BLK: variants seen among roughly 807,000 people sequenced by gnomAD.
BLK encodes the protein tyrosine-protein kinase Blk.
Under a neutral mutation model 61.8 loss-of-function variants are expected in BLK, and 64 were observed. That is an observed-to-expected ratio of 1.03 (90% CI 0.85 to 1.27). BLK has a LOEUF of 1.27. Among genes scored for constraint, BLK ranks in the 50% most tolerant of loss-of-function variants. The pLI, the probability that BLK is intolerant of heterozygous loss-of-function variation, is 0.00. For synonymous variants in BLK, 351 were observed against 272.0 expected (o/e 1.29, Z -2.86); for missense variants, 853 against 660.5 (o/e 1.29, Z -3.19).
chr8:11,535,462 C>G (rs1180311187), intron 1 of BLK, among the ~76,000 whole-genome samples: 1 of 152,228 alleles, frequency 6.6e-6, no homozygotes. Flanking sequence ...TTTCTATCTT[C>G]ATGTGTTTGG....
chr8:11,511,477 G>T (rs1799007068), intron 1 of BLK, among the ~76,000 whole-genome samples: 1 of 151,998 alleles, frequency 6.6e-6, no homozygotes, highest in South Asian at 2.1e-4. Context: ...AACAAACTCT[G>T]GCACCAGTCA....
chr8:11,552,921 C>G (rs559969196), intron 6 of BLK: 5 of 153,232 alleles, frequency 3.3e-5, no homozygotes, highest in African/African-American at 1.2e-4. Context: ...CACACATGCA[C>G]ATATGCACAA....
intron 1 of BLK, among the ~76,000 whole-genome samples, chr8:11,534,639 G>A (rs765210612): frequency 6.6e-6 from 1 of 152,288 alleles, no homozygotes; most frequent in Non-Finnish European, 1.5e-5. Context: ...CCACAATGGG[G>A]GGAGGTGAAT....
intron 1 of BLK, among the ~76,000 whole-genome samples, chr8:11,495,375 T>C (rs1353475404): frequency 6.6e-6 from 1 of 152,156 alleles, no homozygotes; most frequent in African/African-American, 2.4e-5. Context: ...TGGGACTTAA[T>C]TCCCCTCACC....
intron 10 of BLK, chr8:11,558,703 G>C: frequency 2.2e-6 from 1 of 456,242 alleles, no homozygotes; most frequent in South Asian, 1.5e-5. Flanking sequence ...GGAGAGGAGG[G>C]TTTTAGCCGA....
intron 6 of BLK, chr8:11,553,141 C>G (rs7825142): frequency 1.7e-4 from 32 of 193,558 alleles, no homozygotes; most frequent in African/African-American, 7.2e-4. Flanking sequence ...AGCAAGACCC[C>G]TCTGCTTCTC....
intron 6 of BLK, among the ~76,000 whole-genome samples, chr8:11,551,506 T>C (rs1005676160): frequency 2.0e-5 from 3 of 152,234 alleles, no homozygotes; most frequent in Non-Finnish European, 2.9e-5. Context: ...TATAGCCACA[T>C]TCTCAGGACC....
In BLK at chr8:11,561,318, C is replaced by T. The variant is rs759976637; in HGVS notation, c.1046C>T (p.Ala349Val). 1.9e-6 allele frequency: 3 copies of T among 1,613,692 alleles called. No homozygotes were observed. Among genetic ancestry groups the T allele is most frequent in the African/African-American group, 1.3e-5 (1 of 74,942 alleles). ...TTCCCTCAGATTGCTGAAGGGATGG[C>T]ATACATTGAGCGCATGAATTCCATC... ...DMSAQIAEGMAYIERMNSIHR... is the reference protein window; with the variant it reads ...DMSAQIAEGMVYIERMNSIHR... The change falls in exon 11 of 13, where the codon GCA becomes GTA. Residue 349 changes from alanine (A) to valine (V), a missense_variant. Coordinates refer to ENST00000259089, the MANE Select transcript of BLK (RefSeq NM_001715.3).
Position 11,557,996 on chromosome 8 carries a change from G to C in BLK, c.987G>C (p.Gly329=), listed in dbSNP as rs935637146. Residue 329 remains glycine (G), a synonymous_variant, in exon 10 of 13, where the codon GGG becomes GGC. Transcript: ENST00000259089. ...TGGATTTCCTGAAGACAGATGAAGG[G>C]AGCAGATTGTCACTCCCAAGGCTGA... ...CLLDFLKTDE[G]SRLSLPRLID... 1.9e-6 allele frequency: 3 copies of C among 1,614,118 alleles called. No homozygotes were observed. The highest frequency in any genetic ancestry group is 2.5e-6 in the Non-Finnish European group (3 of 1,179,972).
intron 1 of BLK, among the ~76,000 whole-genome samples, chr8:11,542,798 A>G (rs1398463010): frequency 6.6e-6 from 1 of 152,188 alleles, no homozygotes; most frequent in Non-Finnish European, 1.5e-5. Context: ...TTTACCAAAG[A>G]GCTAATGGGT....
chr8:11,547,731 C>T (rs1800710560), intron 3 of BLK, among the ~76,000 whole-genome samples: 1 of 151,944 alleles, frequency 6.6e-6, no homozygotes, highest in Non-Finnish European at 1.5e-5. Context: ...CTGAGGCCAC[C>T]AGCAGCCCGG....
At chr8:11,553,140 C>A (rs1226922133) in intron 6 of BLK, 2 of 193,450 alleles carry the variant, frequency 1.0e-5, no homozygotes, top group Non-Finnish European at 2.2e-5. Context: ...AAGCAAGACC[C>A]CTCTGCTTCT....
chr8:11,532,497 C>T (rs879542338), intron 1 of BLK, among the ~76,000 whole-genome samples: 4 of 152,154 alleles, frequency 2.6e-5, no homozygotes, highest in South Asian at 2.1e-4. Context: ...AGGCATGAGC[C>T]GCCACTTCTG....
At chr8:11,527,222 G>A (rs1799693802) in intron 1 of BLK, among the ~76,000 whole-genome samples, 1 of 152,098 alleles carries the variant, frequency 6.6e-6, no homozygotes, top group Admixed American at 6.5e-5. Flanking sequence ...TCAATGGCTT[G>A]CAATGCTCTT....
rs754458822 is a variant in BLK, at chr8:11,548,103, G to A, written c.247G>A (p.Glu83Lys). Residue 83 changes from glutamate to lysine, a missense_variant, in exon 4 of 13, where the codon GAG (glutamate) becomes AAG (lysine). By Grantham distance (56) the Glu-to-Lys change is moderately conservative. Transcript: ENST00000259089. The part of the protein sequence containing the change: ...NDRDLQMLKG[E>K]KLQVLKGTGD... Reference sequence around the variant, plus strand: ...TCGGGACCTGCAGATGCTGAAGGGGGAGAAGCTACAGGTCCTGAAGGGGTG... The same window carrying A: ...TCGGGACCTGCAGATGCTGAAGGGGAAGAAGCTACAGGTCCTGAAGGGGTG... The A allele has an allele frequency of 2.5e-6, 4 of 1,613,572 alleles. No individual in the cohort carries two copies. Among genetic ancestry groups the A allele is most frequent in the Non-Finnish European group, 3.4e-6 (4 of 1,180,000 alleles).
Position 11,548,116 on chromosome 8 carries a change from T to TCCTGAAGGG in BLK, c.261_269dup (p.Leu88_Gly90dup), listed in dbSNP as rs761941756. On this transcript the variant is annotated inframe_insertion, in exon 4 of 13. Coordinates refer to ENST00000259089, the MANE Select transcript of BLK (RefSeq NM_001715.3). ...ATGCTGAAGGGGGAGAAGCTACAGGTCCTGAAGGGGTGAGGTTCCAGGACA... is the reference window on the plus strand; with the variant it reads ...ATGCTGAAGGGGGAGAAGCTACAGGTCCTGAAGGGCCTGAAGGGGTGAGGTTCCAGGACA... The TCCTGAAGGG allele has an allele frequency of 6.2e-7, 1 of 1,613,008 alleles. No individual in the cohort carries two copies. Among genetic ancestry groups the TCCTGAAGGG allele is most frequent in the East Asian group, 2.2e-5 (1 of 44,856 alleles).
intron 1 of BLK, among the ~76,000 whole-genome samples, chr8:11,522,675 T>TA (rs539018189): frequency 0.034 from 3,925 of 115,444 alleles, 174 homozygotes; most frequent in Admixed American, 0.13. Context: ...AAGGATACAG[T>TA]AAAAAAAAAA....
At chr8:11,495,210 T>C (rs1029653899) in intron 1 of BLK, among the ~76,000 whole-genome samples, 5 of 152,208 alleles carry the variant, frequency 3.3e-5, no homozygotes, top group African/African-American at 4.8e-5. Context: ...TTTGTGTAAA[T>C]TGTAAGGTTT....
At chr8:11,543,738 G>A (rs986647781) in intron 2 of BLK, among the ~76,000 whole-genome samples, 1 of 152,140 alleles carries the variant, frequency 6.6e-6, no homozygotes, top group Non-Finnish European at 1.5e-5. Flanking sequence ...CCTGGGATAA[G>A]CATCATGAAA....
Sources: allele counts gnomAD v4.1 joint callset (sites outside exome capture counted in the v4.1 genomes callset), GRCh38; gene constraint gnomAD v4.1.1; transcripts MANE v1.5; gene names NCBI Gene and HGNC (gene_info 2026-07-23, HGNC 2026-07-21).